Variants in OR11G2 observed in about 807,000 individuals in gnomAD.
OR11G2 encodes the protein olfactory receptor 11G2.
A neutral mutation model predicts 0.9 loss-of-function variants in OR11G2; 2 were observed. The ratio of observed to expected loss-of-function variants is 2.35; its 90% CI spans 0.96 to 7.38. The LOEUF (loss-of-function observed/expected upper bound fraction) is 7.38, where lower values mean the gene tolerates loss of function less well. Among genes scored for constraint, OR11G2 ranks in the 30% most tolerant of loss-of-function variants. The pLI is 0.05. For synonymous variants in OR11G2, 153 were observed against 142.0 expected, an observed-to-expected ratio of 1.08 and a Z score of -0.55; for missense variants, 395 against 371.3, an observed-to-expected ratio of 1.06 and a Z score of -0.52.
In OR11G2 at chr14:20,197,537, C is replaced by T. The variant is rs2139112800; in HGVS notation, c.100C>T (p.Leu34Phe). Residue 34 changes from leucine (L) to phenylalanine (F), a missense_variant, in exon 2 of 2, where the codon CTC becomes TTC. Coordinates refer to ENST00000641879, the MANE Select transcript of OR11G2 (RefSeq NM_001386033.1). The part of the protein sequence containing the change: ...PREGQILLFV[L>F]FTVVYLLTLM... Reference sequence around the variant, plus strand: ...GGAGGGGCAGATCCTCCTCTTTGTGCTCTTCACTGTTGTTTACCTCCTGAC... The same window carrying T: ...GGAGGGGCAGATCCTCCTCTTTGTGTTCTTCACTGTTGTTTACCTCCTGAC... The T allele has an allele frequency of 1.2e-6, 2 of 1,614,066 alleles. No homozygotes were observed. The highest frequency in any genetic ancestry group is 2.2e-5 in the East Asian group (1 of 44,888).
chr14:20,197,341 T>A, intron 1 of OR11G2, 93 bp from the exon 2 acceptor site: 1 of 1,510,672 alleles, frequency 6.6e-7, no homozygotes, highest in Non-Finnish European at 9.0e-7. Flanking sequence ...AATTTATGCA[T>A]TTTCTTTCCC....
intron 1 of OR11G2, 124 bp from the exon 2 acceptor site, chr14:20,197,310 T>C: frequency 7.6e-7 from 1 of 1,308,898 alleles, no homozygotes. Flanking sequence ...TTTTTTACTT[T>C]TTACTTTTAT....
At chr14:20,196,283 T>G (rs1879751916) in intron 1 of OR11G2, among the ~76,000 whole-genome samples, 1 of 152,240 alleles carries the variant, frequency 6.6e-6, no homozygotes, top group African/African-American at 2.4e-5. Context: ...AATAATCTTA[T>G]GCCAAAGTGG....
At position 20,198,336 on chromosome 14, in the gene OR11G2, A is replaced by G. The variant is rs1406442332; in HGVS notation, c.899A>G (p.Asp300Gly). ...GTGATATATAGTCTTAGGAACAAAG[A>G]TATGAGAAAAGCTCTGAAGAAATTT... ...NPVIYSLRNK[D>G]MRKALKKFWG... The change falls in exon 2 of 2, where the codon GAT (aspartate) becomes GGT (glycine). Residue 300 changes from aspartate (D) to glycine (G), a missense_variant. Coordinates refer to ENST00000641879, the MANE Select transcript of OR11G2 (RefSeq NM_001386033.1). 1 of 1,581,420 alleles carries G rather than the reference A, an allele frequency of 6.3e-7. No homozygotes were observed. Among genetic ancestry groups the G allele is most frequent in the South Asian group, 1.2e-5 (1 of 85,280 alleles).
chr14:20,198,208 C>T lies in OR11G2; in HGVS notation c.771C>T (p.Gly257=), dbSNP rs2139115538. The T allele has an allele frequency of 6.2e-7, 1 of 1,614,126 alleles. No individual in the cohort carries two copies. Among genetic ancestry groups the T allele is most frequent in the Non-Finnish European group, 8.5e-7 (1 of 1,180,022 alleles). Residue 257 remains glycine (G), a synonymous_variant, in exon 2 of 2, where the codon GGC becomes GGT. Coordinates refer to ENST00000641879, the MANE Select transcript of OR11G2 (RefSeq NM_001386033.1). ...SHLAVVSLFY[G]SVLVMYGSPP... ...TGGCTGTGGTTTCACTGTTCTACGG[C>T]TCAGTACTGGTCATGTATGGGAGCC... is the stretch of plus-strand genomic sequence containing the variant.
chr14:20,198,323 C>A lies in OR11G2; in HGVS notation c.886C>A (p.Leu296Ile). 1 of 1,594,202 alleles carries A rather than the reference C, an allele frequency of 6.3e-7. No homozygotes were observed. The highest frequency in any genetic ancestry group is 8.5e-7 in the Non-Finnish European group (1 of 1,174,120). Reference protein sequence around the residue: ...TPLLNPVIYSLRNKDMRKALK... With the variant: ...TPLLNPVIYSIRNKDMRKALK... ...ACTGCTTAACCCTGTGATATATAGT[C>A]TTAGGAACAAAGATATGAGAAAAGC... Residue 296 changes from leucine to isoleucine, a missense_variant, in exon 2 of 2, where the codon CTT becomes ATT. Leu to Ile is a conservative substitution (Grantham distance 5). Coordinates refer to ENST00000641879, the MANE Select transcript of OR11G2 (RefSeq NM_001386033.1).
Position 20,198,971 on chromosome 14 carries a change from A to T in OR11G2, c.*598A>T, listed in dbSNP as rs761001994. ...TCTAGCAAGTAGATGGAGTAGAGGC[A>T]GATCACATTGATTCTATTTAAGCAC... On this transcript the variant is annotated 3_prime_UTR_variant, in exon 2 of 2. Transcript: ENST00000641879. 2 of 152,274 alleles carry T rather than the reference A, an allele frequency of 1.3e-5. No homozygotes were observed. Among genetic ancestry groups the T allele is most frequent in the African/African-American group, 4.8e-5 (2 of 41,466 alleles). The allele number at this position is 152,274 out of a possible 1,614,324, so 9.4% of individuals were successfully genotyped here. A position where few individuals can be genotyped will look rare whatever the true frequency, so the allele number is the denominator to read the frequency against.
chr14:20,197,354 A>C, intron 1 of OR11G2, 80 bp from the exon 2 acceptor site: 1 of 1,540,992 alleles, frequency 6.5e-7, no homozygotes, highest in Non-Finnish European at 8.8e-7. Context: ...TCTTTCCCAA[A>C]ATGATTTAAA....
rs760576322 is a variant in OR11G2, at chr14:20,197,832, G to A, written c.395G>A (p.Arg132Gln). ...MAFDRYLAIC[R>Q]PLRYPTIMTR... ...TTTGATCGATACCTTGCCATCTGTC[G>A]GCCTCTACGCTATCCAACCATTATG... Residue 132 changes from arginine (R) to glutamine (Q), a missense_variant, in exon 2 of 2, where the codon CGG (arginine) becomes CAG (glutamine). By Grantham distance (43) the Arg-to-Gln change is conservative. Coordinates refer to ENST00000641879, the MANE Select transcript of OR11G2 (RefSeq NM_001386033.1). 8.1e-5 allele frequency: 131 copies of A among 1,613,750 alleles called. No individual in the cohort carries two copies. Among genetic ancestry groups the A allele is most frequent in the Non-Finnish European group, 1.1e-4 (127 of 1,179,996 alleles).
intron 1 of OR11G2, among the ~76,000 whole-genome samples, chr14:20,196,799 C>T (rs1315803386): frequency 6.6e-6 from 1 of 152,184 alleles, no homozygotes; most frequent in African/African-American, 2.4e-5. Flanking sequence ...GACTGCTGTC[C>T]TAACACAAAA....
In OR11G2 at chr14:20,198,176, T is replaced by A. The variant is rs1879816712; in HGVS notation, c.739T>A (p.Ser247Thr). The change falls in exon 2 of 2, where the codon TCT (serine) becomes ACT (threonine). Residue 247 changes from serine to threonine, a missense_variant. Transcript: ENST00000641879. ...AAGAAAGGCTTTCTCCACCTGTGGG[T>A]CTCACCTGGCTGTGGTTTCACTGTT... ...GRRKAFSTCG[S>T]HLAVVSLFYG... 6.2e-7 allele frequency: 1 copy of A among 1,614,060 alleles called. No homozygotes were observed. The highest frequency in any genetic ancestry group is 1.1e-5 in the South Asian group (1 of 91,088).
intron 1 of OR11G2, among the ~76,000 whole-genome samples, chr14:20,192,172 G>T (rs932037779): frequency 6.6e-6 from 1 of 152,128 alleles, no homozygotes; most frequent in Non-Finnish European, 1.5e-5. Context: ...GATTACAGGT[G>T]TGAACCACCA....
intron 1 of OR11G2, among the ~76,000 whole-genome samples, chr14:20,193,208 C>T (rs1405307175): frequency 1.3e-5 from 2 of 152,144 alleles, no homozygotes; most frequent in African/African-American, 4.8e-5. Flanking sequence ...ACCTCTGCCT[C>T]CTGGGTTCAG....
chr14:20,192,851 C>G (rs1249946367), intron 1 of OR11G2, among the ~76,000 whole-genome samples: 1 of 152,074 alleles, frequency 6.6e-6, no homozygotes, highest in Non-Finnish European at 1.5e-5. Flanking sequence ...CCTGAAAGTA[C>G]CCGGCTGTTT....
At position 20,198,810 on chromosome 14, in the gene OR11G2, A is replaced by G. The variant is rs1428391125; in HGVS notation, c.*437A>G. 4 of 152,124 alleles carry G rather than the reference A, an allele frequency of 2.6e-5. No individual in the cohort carries two copies. Among genetic ancestry groups the G allele is most frequent in the African/African-American group, 9.7e-5 (4 of 41,282 alleles). The allele number at this position is 152,124 out of a possible 1,614,324, so 9.4% of individuals were successfully genotyped here. A position where few individuals can be genotyped will look rare whatever the true frequency, so the allele number is the denominator to read the frequency against. On this transcript the variant is annotated 3_prime_UTR_variant, in exon 2 of 2. Transcript: ENST00000641879. ...GGCCAAAGCTAAAATACCTGTGAGC[A>G]TGTTTCTGTTATTTCTCCTTTCAGA...
rs1879887170 is a variant in OR11G2 at position 20,200,789 on chromosome 14, C to A, written c.*2416C>A. 6.6e-6 allele frequency: 1 copy of A among 152,150 alleles called. No individual in the cohort carries two copies. Among genetic ancestry groups the A allele is most frequent in the Admixed American group, 6.5e-5 (1 of 15,282 alleles). The allele number at this position is 152,150 out of a possible 1,614,324, so 9.4% of individuals were successfully genotyped here. A position where few individuals can be genotyped will look rare whatever the true frequency, so the allele number is the denominator to read the frequency against. ...GTAAAATGAGCTATGGTGAGTTATACCATGGAATATTATGTCTTCAATTTA... is the reference window on the plus strand; with the variant it reads ...GTAAAATGAGCTATGGTGAGTTATAACATGGAATATTATGTCTTCAATTTA... On this transcript the variant is annotated 3_prime_UTR_variant, in exon 2 of 2. Transcript: ENST00000641879.
rs373138732 is a variant in OR11G2 at position 20,197,639 on chromosome 14, G to A, written c.202G>A (p.Ala68Thr). 30 of 1,613,836 alleles carry A rather than the reference G, an allele frequency of 1.9e-5. No homozygotes were observed. The highest frequency in any genetic ancestry group is 2.3e-5 in the Non-Finnish European group (27 of 1,179,986). The change falls in exon 2 of 2, where the codon GCC (alanine) becomes ACC (threonine). Residue 68 changes from alanine (A) to threonine (T), a missense_variant. Physicochemically the swap from Ala to Thr is moderately conservative, Grantham distance 58. Transcript: ENST00000641879. ...CCACGCCCCCATGTACATCCTGCTC[G>A]CCAACTTCTCCTTCTTGGAGATATG... ...RLHAPMYILLANFSFLEICYV... is the reference protein window; with the variant it reads ...RLHAPMYILLTNFSFLEICYV...
Position 20,198,365 on chromosome 14 carries a change from G to C in OR11G2, c.928G>C (p.Gly310Arg). 1 of 1,547,270 alleles carries C rather than the reference G, an allele frequency of 6.5e-7. No homozygotes were observed. ...GAGAAAAGCTCTGAAGAAATTTTGG[G>C]GAACATAAAATGTTAATCAAAAAGG... ...DMRKALKKFW[G>R]T Residue 310 changes from glycine (G) to arginine (R), a missense_variant, in exon 2 of 2, where the codon GGA (glycine) becomes CGA (arginine). By Grantham distance (125) the Gly-to-Arg change is moderately radical (BLOSUM62 -2). Coordinates refer to ENST00000641879, the MANE Select transcript of OR11G2 (RefSeq NM_001386033.1).
At chr14:20,192,247 A>G (rs1230319234) in intron 1 of OR11G2, among the ~76,000 whole-genome samples, 2 of 152,202 alleles carry the variant, frequency 1.3e-5, no homozygotes, top group African/African-American at 4.8e-5. Context: ...CTCTAGATCC[A>G]TAAAGTCTTC....
Sources: gnomAD v4.1 joint callset for allele counts (sites outside exome capture counted in the v4.1 genomes callset) on GRCh38, gnomAD v4.1.1 for gene constraint, MANE v1.5 for transcripts, NCBI Gene and HGNC (gene_info 2026-07-23, HGNC 2026-07-21) for gene names.